HTRA4: variants seen among roughly 807,000 people sequenced by gnomAD.
The protein encoded by HTRA4 is HtrA serine peptidase 4.
HTRA4 carries 46 observed loss-of-function variants against 49.1 expected under a neutral mutation model. The observed-to-expected ratio is 0.94, with a 90% CI of 0.74 to 1.20. The LOEUF is 1.20. Ranked by LOEUF, HTRA4 falls within the 50% of genes most tolerant of loss-of-function variation. The probability of loss-of-function intolerance (pLI) is 0.00; values close to 1 mark genes in which losing one functional copy is unlikely to be tolerated. For missense variants in HTRA4, 602 were observed against 636.9 expected (o/e 0.95, Z 0.59); for synonymous variants, 261 against 264.0 (o/e 0.99, Z 0.11).
rs376938906 is a variant in HTRA4 at position 38,976,724 on chromosome 8, T to G, written c.756T>G (p.Ile252Met). Residue 252 changes from isoleucine (I) to methionine (M), a missense_variant, in exon 3 of 9, where the codon ATT becomes ATG. By Grantham distance (10) the Ile-to-Met change is conservative. Transcript: ENST00000302495. ...DIDLKLDLAV[I>M]KIESNAELPV... The stretch of plus-strand genomic sequence containing the variant: ...ACCTTAAATTGGATCTTGCGGTGAT[T>G]AAGATTGAATCAAATGTGAGTATTT... The G allele has an allele frequency of 2.3e-5, 37 of 1,614,048 alleles. No individual in the cohort carries two copies. The highest frequency in any genetic ancestry group is 3.1e-5 in the Non-Finnish European group (37 of 1,180,032).
intron 3 of HTRA4, 77 bp downstream of exon 3, chr8:38,976,816 A>G: frequency 1.6e-6 from 2 of 1,288,698 alleles, no homozygotes; most frequent in Non-Finnish European, 2.2e-6. Context: ...CTGCCCCACT[A>G]CACTCTCACA....
chr8:38,988,316 C>G lies in HTRA4; in HGVS notation c.*218C>G, dbSNP rs1835512593. On this transcript the variant is annotated 3_prime_UTR_variant, in exon 9 of 9. Transcript: ENST00000302495. ...AATACTATGCAGCCATAAAAAGCAACAGTCCTCTGCAGGGACATGGATGGA... is the reference window on the plus strand; with the variant it reads ...AATACTATGCAGCCATAAAAAGCAAGAGTCCTCTGCAGGGACATGGATGGA... 5.0e-6 allele frequency: 2 copies of G among 398,536 alleles called. No individual in the cohort carries two copies. Among genetic ancestry groups the G allele is most frequent in the African/African-American group, 2.1e-5 (1 of 47,480 alleles). 24.7% of individuals were successfully genotyped at this position (398,536 alleles called of 1,614,324 possible).
At chr8:38,976,842 T>C in intron 3 of HTRA4, 103 bp downstream of exon 3, 1 of 1,088,182 alleles carries the variant, frequency 9.2e-7, no homozygotes, top group Non-Finnish European at 1.4e-6. Flanking sequence ...TCTTTTCTGT[T>C]GAATATATGC....
chr8:38,984,431 G>A (rs892429999), intron 8 of HTRA4, among the ~76,000 whole-genome samples: 2 of 151,540 alleles, frequency 1.3e-5, no homozygotes, highest in African/African-American at 2.4e-5. Context: ...TGGGGAACAC[G>A]GTGAAACCCT....
intron 8 of HTRA4, among the ~76,000 whole-genome samples, chr8:38,985,967 G>A (rs1324443655): frequency 6.6e-6 from 1 of 152,184 alleles, no homozygotes; most frequent in African/African-American, 2.4e-5. Context: ...GAAACCAGGA[G>A]TTTGAGACCA....
chr8:38,975,707 TTAG>T (rs1480294705), intron 2 of HTRA4, among the ~76,000 whole-genome samples: 1 of 152,146 alleles, frequency 6.6e-6, no homozygotes, highest in African/African-American at 2.4e-5. Flanking sequence ...CACATCCAGC[TTAG>T]TAGGCATTTT....
At chr8:38,979,358 T>G in intron 5 of HTRA4, 111 bp downstream of exon 5, 1 of 986,150 alleles carries the variant, frequency 1.0e-6, no homozygotes, top group South Asian at 1.3e-5. Context: ...ACATTTGGGA[T>G]GACTGCTTGG....
At position 38,974,708 on chromosome 8, in the gene HTRA4, T is replaced by C. The variant is rs774014608; in HGVS notation, c.445T>C (p.Trp149Arg). 74 of 1,425,284 alleles carry C rather than the reference T, an allele frequency of 5.2e-5. 1 individual carries two copies. Among genetic ancestry groups the C allele is most frequent in the South Asian group, 5.1e-4 (33 of 64,442 alleles). 88.3% of individuals were successfully genotyped at this position (1,425,284 alleles called of 1,614,324 possible). A position where few individuals can be genotyped will look rare whatever the true frequency, so the allele number is the denominator to read the frequency against. ...LGKVPAVPVQ[W>R]GNCGDTGTRS... ...CAAGGTCCCGGCCGTGCCTGTGCAG[T>C]GGGGGAACTGCGGGGATACAGGTGA... The change falls in exon 1 of 9, where the codon TGG becomes CGG. Residue 149 changes from tryptophan to arginine, a missense_variant. Physicochemically the swap from Trp to Arg is moderately radical, Grantham distance 101 (BLOSUM62 -3). Coordinates refer to ENST00000302495, the MANE Select transcript of HTRA4 (RefSeq NM_153692.4).
intron 4 of HTRA4, among the ~76,000 whole-genome samples, chr8:38,978,633 G>T (rs1588291791): frequency 1.3e-5 from 2 of 152,122 alleles, no homozygotes; most frequent in Non-Finnish European, 2.9e-5. Context: ...AGTCTGTCTC[G>T]TTCGCTGTGA....
Position 38,988,042 on chromosome 8 carries a change from G to A in HTRA4, c.1375G>A (p.Val459Ile), listed in dbSNP as rs539503064. ...ALDSDSLSMAVLRGKDNLLLT... is the reference protein window; with the variant it reads ...ALDSDSLSMAILRGKDNLLLT... ...TGACAGTGATTCCCTTTCCATGGCTGTTCTTCGGGGAAAAGATAATTTGCT... is the reference window on the plus strand; with the variant it reads ...TGACAGTGATTCCCTTTCCATGGCTATTCTTCGGGGAAAAGATAATTTGCT... The change falls in exon 9 of 9, where the codon GTT becomes ATT. Residue 459 changes from valine to isoleucine, a missense_variant. By Grantham distance (29) the Val-to-Ile change is conservative (BLOSUM62 3). Coordinates refer to ENST00000302495, the MANE Select transcript of HTRA4 (RefSeq NM_153692.4). The A allele has an allele frequency of 1.6e-5, 26 of 1,611,328 alleles. No individual in the cohort carries two copies. The South Asian group carries it at 2.9e-4, about 18-fold the overall frequency.
intron 5 of HTRA4, among the ~76,000 whole-genome samples, chr8:38,980,560 TCTAC>T (rs1441269439): frequency 1.4e-5 from 2 of 143,652 alleles, no homozygotes; most frequent in African/African-American, 5.2e-5. Context: ...AAACCCCATC[TCTAC>T]CTAACATACA....
chr8:38,988,274 G>A lies in HTRA4; in HGVS notation c.*176G>A. ...TGACAGACTGGATAAAGCAAATGTGGTACATATACACCATGGAATACTATG... is the reference window on the plus strand; with the variant it reads ...TGACAGACTGGATAAAGCAAATGTGATACATATACACCATGGAATACTATG... On this transcript the variant is annotated 3_prime_UTR_variant, in exon 9 of 9. Coordinates refer to ENST00000302495, the MANE Select transcript of HTRA4 (RefSeq NM_153692.4). 1 of 567,302 alleles carries A rather than the reference G, an allele frequency of 1.8e-6. No individual in the cohort carries two copies. The highest frequency in any genetic ancestry group is 3.0e-6 in the Non-Finnish European group (1 of 328,406). 35.1% of individuals were successfully genotyped at this position (567,302 alleles called of 1,614,324 possible).
chr8:38,976,503 C>T (rs367897617), intron 2 of HTRA4, 32 bp from the exon 3 acceptor site: 21 of 1,608,166 alleles, frequency 1.3e-5, no homozygotes, highest in Non-Finnish European at 1.8e-5. Flanking sequence ...ACTTTCTTGC[C>T]CTCTGTTTAC....
Position 38,984,608 on chromosome 8 carries a change from G to A in HTRA4, c.1268+1560G>A, listed in dbSNP as rs186946836. ...CTTAAAAAATATAAAAATTAGCTGG[G>A]TGTGGTGTCGCATGCCTGTAATCCC... On this transcript the variant is annotated intron_variant, in intron 8 of 8. Coordinates refer to ENST00000302495, the MANE Select transcript of HTRA4 (RefSeq NM_153692.4). 5.4e-3 allele frequency among the ~76,000 whole-genome samples: 826 copies of A among 152,132 alleles called. 4 individuals are homozygous for A. Among genetic ancestry groups the A allele is most frequent in the Middle Eastern group, 0.01 (3 of 294 alleles).
chr8:38,984,237 G>C (rs138671334), intron 8 of HTRA4, among the ~76,000 whole-genome samples: 4,976 of 151,740 alleles, frequency 0.033, 262 homozygotes, highest in African/African-American at 0.11. Context: ...CTGACCTCAA[G>C]TGATCCACCC....
intron 5 of HTRA4, among the ~76,000 whole-genome samples, chr8:38,981,068 T>TCTTTG (rs1835413593): frequency 2.0e-5 from 1 of 49,248 alleles, no homozygotes; most frequent in African/African-American, 1.4e-4. Flanking sequence ...CTTAAGTTTT[T>TCTTTG]TTTTTTTTTT....
intron 5 of HTRA4, 84 bp downstream of exon 5, chr8:38,979,331 A>G (rs983348356): frequency 1.6e-6 from 2 of 1,243,480 alleles, no homozygotes; most frequent in Admixed American, 3.4e-5. Context: ...GTGGTGGCTC[A>G]TGCCTGTAAT....
chr8:38,974,250 G>T lies in HTRA4; in HGVS notation c.-14G>T, dbSNP rs1211221839. On this transcript the variant is annotated 5_prime_UTR_variant, in exon 1 of 9. Coordinates refer to ENST00000302495, the MANE Select transcript of HTRA4 (RefSeq NM_153692.4). ...AGTAAAGTCACTGAAGAGTGGAAGC[G>T]AGGAAGGAACAGGATGATTAGACCT... 10 of 1,612,140 alleles carry T rather than the reference G, an allele frequency of 6.2e-6. No individual in the cohort carries two copies. The East Asian group carries it at 2.0e-4, about 32-fold the overall frequency.
chr8:38,983,946 A>G (rs976520731), intron 8 of HTRA4, among the ~76,000 whole-genome samples: 1 of 152,140 alleles, frequency 6.6e-6, no homozygotes, highest in Admixed American at 6.5e-5. Context: ...TTATTACTTA[A>G]TAACTATTAA....
Sources: gnomAD v4.1 joint callset for allele counts (sites outside exome capture counted in the v4.1 genomes callset) on GRCh38, gnomAD v4.1.1 for gene constraint, MANE v1.5 for transcripts, NCBI Gene and HGNC (gene_info 2026-07-23, HGNC 2026-07-21) for gene names.